Variants in CTBP2 observed in about 807,000 individuals in gnomAD.
The protein encoded by CTBP2 is C-terminal-binding protein 2.
CTBP2 carries 30 observed loss-of-function variants against 80.3 expected under a neutral mutation model. The observed-to-expected ratio is 0.37, with a 90% CI of 0.28 to 0.51. CTBP2 has a LOEUF of 0.51. CTBP2 is among the 20% of genes least tolerant of loss of function. CTBP2 has a pLI of 0.93. For synonymous variants in CTBP2, 594 were observed against 587.4 expected (o/e 1.01, Z -0.16); for missense variants, 1,212 against 1,375.3 (o/e 0.88, Z 1.88).
At chr10:124,993,744 G>GT in intron 6 of CTBP2, 111 bp downstream of exon 8, 1 of 1,323,798 alleles carries the variant, frequency 7.6e-7, no homozygotes. Context: ...CATCTCTGGA[G>GT]TTTCCTGCCC....
chr10:125,056,497 T>C (rs1963967707), intron 2 of CTBP2, among the ~76,000 whole-genome samples: 1 of 152,186 alleles, frequency 6.6e-6, no homozygotes, highest in African/African-American at 2.4e-5. Context: ...GAGTGTGCCA[T>C]TGGCTCTAAG....
At chr10:125,105,460 CAA>C (rs1851307475) in intron 2 of CTBP2, among the ~76,000 whole-genome samples, 1 of 152,180 alleles carries the variant, frequency 6.6e-6, no homozygotes, top group Non-Finnish European at 1.5e-5. Context: ...CAACAATGGT[CAA>C]AATTCAGATC....
intron 1 of CTBP2, among the ~76,000 whole-genome samples, chr10:125,112,200 C>T (rs1026105207): frequency 6.6e-6 from 1 of 150,578 alleles, no homozygotes; most frequent in East Asian, 2.0e-4. Context: ...GCAAGCTCCG[C>T]CTCCTGAGTT....
At position 125,027,364 on chromosome 10, in the gene CTBP2, G is replaced by A. The variant is rs748359424; in HGVS notation, c.396C>T (p.Val132=). The change falls in exon 1 of 9, where the codon GTC becomes GTT. Residue 132 remains valine (V), a synonymous_variant. Transcript: ENST00000309035. The stretch of plus-strand genomic sequence containing the variant: ...CTCCGTAGCTGGGGACCGGCCGGCT[G>A]ACTCCTGGGTCCCGATAGAGGGGAG... 5 of 1,613,442 alleles carry A rather than the reference G, an allele frequency of 3.1e-6. No individual in the cohort carries two copies. The South Asian group carries it at 4.4e-5, about 14-fold the overall frequency.
At chr10:124,997,500 T>C in intron 4 of CTBP2, 1 of 169,306 alleles carries the variant, frequency 5.9e-6, no homozygotes, top group Non-Finnish European at 1.3e-5. Context: ...GCTGATGGCC[T>C]GACTGTGCCA....
At chr10:125,004,346 C>G (rs1954954719) in intron 1 of CTBP2, among the ~76,000 whole-genome samples, 1 of 152,200 alleles carries the variant, frequency 6.6e-6, no homozygotes. Context: ...GCGGGGCCCG[C>G]CCAGGATGCA....
rs1384394555 is a variant in CTBP2 at position 124,987,146 on chromosome 10, A to ATAT, written c.*2369_*2371dup. The ATAT allele has an allele frequency of 1.3e-5, 2 of 152,556 alleles. No homozygotes were observed. The highest frequency in any genetic ancestry group is 2.4e-5 in the African/African-American group (1 of 41,404). 9.5% of individuals were successfully genotyped at this position (152,556 alleles called of 1,614,324 possible). On this transcript the variant is annotated 3_prime_UTR_variant, in exon 9 of 9. Transcript: ENST00000309035. ...CCAAAAATTTTGGTAAATCAATGCT[A>ATAT]TATTATGCTCTTGAACTATTAAAAC... is the stretch of plus-strand genomic sequence containing the variant.
Position 125,066,789 on chromosome 10 carries a change from A to G in CTBP2, c.-101-27634T>C, listed in dbSNP as rs1015418566. On this transcript the variant is annotated intron_variant, in intron 2 of 10. Coordinates refer to the CTBP2 transcript ENST00000337195. The surrounding 1 kb of genome is among the most constrained non-coding windows in gnomAD (Gnocchi z 4.1). ...TCACCAGAATTTTAAAATGTAACAA[A>G]AAAGGAACTAGCCCATGTGTCGATC... 9.9e-5 allele frequency among the ~76,000 whole-genome samples: 15 copies of G among 152,146 alleles called. No homozygotes were observed. Among genetic ancestry groups the G allele is most frequent in the Non-Finnish European group, 2.2e-4 (15 of 68,034 alleles).
intron 2 of CTBP2, among the ~76,000 whole-genome samples, chr10:125,076,989 A>C (rs533748959): frequency 6.6e-6 from 1 of 152,308 alleles, no homozygotes; most frequent in African/African-American, 2.4e-5. Context: ...GATGTCATCC[A>C]AACTTTTACT....
intron 1 of CTBP2, chr10:125,006,065 A>G (rs1955202853): frequency 7.7e-7 from 1 of 1,303,430 alleles, no homozygotes; most frequent in Non-Finnish European, 9.9e-7. Flanking sequence ...CCAGGGTAAC[A>G]AACTCCAGGT....
At position 124,985,821 on chromosome 10, in the gene CTBP2, G is replaced by A. The variant is rs982188241; in HGVS notation, c.*3697C>T. The A allele has an allele frequency of 1.3e-5, 2 of 152,192 alleles. No homozygotes were observed. The highest frequency in any genetic ancestry group is 4.8e-5 in the African/African-American group (2 of 41,454). 9.4% of individuals were successfully genotyped at this position (152,192 alleles called of 1,614,324 possible). A position where few individuals can be genotyped will look rare whatever the true frequency, so the allele number is the denominator to read the frequency against. On this transcript the variant is annotated 3_prime_UTR_variant, in exon 9 of 9. Coordinates refer to ENST00000309035, the MANE Select transcript of CTBP2 (RefSeq NM_022802.3). ...GCCCACTTGTCACTAAATGAATTGT[G>A]TGAAATGTGCTCACTTGGACTCCAT... is the stretch of plus-strand genomic sequence containing the variant.
chr10:125,033,677 C>T (rs372423050), intron 3 of CTBP2, among the ~76,000 whole-genome samples: 2 of 152,118 alleles, frequency 1.3e-5, no homozygotes, highest in African/African-American at 4.8e-5. Flanking sequence ...GCACTGTTCC[C>T]CCCGCGGCAC....
rs1178298742 is a variant in CTBP2 at position 125,081,143 on chromosome 10, A to C, written c.-102+29847T>G. Among the ~76,000 whole-genome samples the C allele has an allele frequency of 2.0e-5, 3 of 152,334 alleles. No individual in the cohort carries two copies. The East Asian group carries it at 5.8e-4, about 29-fold the overall frequency. On this transcript the variant is annotated intron_variant, in intron 2 of 10. Coordinates refer to the CTBP2 transcript ENST00000337195. ...CCGCCCAAAGTGCCCAACTCCAATC[A>C]GGAAAAAACACAGGACAAACTGAAC...
intron 1 of CTBP2, among the ~76,000 whole-genome samples, chr10:125,122,177 G>A (rs1476827592): frequency 6.6e-6 from 1 of 152,178 alleles, no homozygotes; most frequent in African/African-American, 2.4e-5. Context: ...CTAACACTGG[G>A]AATCCTGAAC....
At chr10:125,078,326 G>A (rs1276813123) in intron 2 of CTBP2, among the ~76,000 whole-genome samples, 1 of 151,802 alleles carries the variant, frequency 6.6e-6, no homozygotes, top group Non-Finnish European at 1.5e-5. Context: ...GATGGGCTTG[G>A]GCGTTGAGAT....
At chr10:125,097,434 T>C (rs1849700519) in intron 2 of CTBP2, among the ~76,000 whole-genome samples, 1 of 152,184 alleles carries the variant, frequency 6.6e-6, no homozygotes, top group East Asian at 1.9e-4. Context: ...TTACAATGGA[T>C]GACTATTTGT....
chr10:124,986,925 G>A lies in CTBP2; in HGVS notation c.*2593C>T. Reference sequence around the variant, plus strand: ...ACGCTCAGCACTTAGCTTCTACTGTGTGTTGTGGTCTGGTGAGTGTTGTTT... The same window carrying A: ...ACGCTCAGCACTTAGCTTCTACTGTATGTTGTGGTCTGGTGAGTGTTGTTT... On this transcript the variant is annotated 3_prime_UTR_variant, in exon 9 of 9. Transcript: ENST00000309035. 1 of 152,540 alleles carries A rather than the reference G, an allele frequency of 6.6e-6. No individual in the cohort carries two copies. The highest frequency in any genetic ancestry group is 1.9e-4 in the East Asian group (1 of 5,178). The allele number at this position is 152,540 out of a possible 1,614,324, so 9.4% of individuals were successfully genotyped here.
intron 2 of CTBP2, among the ~76,000 whole-genome samples, chr10:125,060,463 CGTGTGTGTGTGTGTGTGTGT>C (rs56032803): frequency 2.7e-5 from 4 of 147,968 alleles, no homozygotes; most frequent in African/African-American, 7.5e-5. Flanking sequence ...ATTCCCCCCA[CGTGTGTGTGTGTGTGTGTGT>C]GTGTGTGTGT....
intron 2 of CTBP2, among the ~76,000 whole-genome samples, chr10:125,043,955 T>C (rs889548016): frequency 2.0e-5 from 3 of 152,170 alleles, no homozygotes; most frequent in Non-Finnish European, 4.4e-5. Context: ...TGCTCACAAA[T>C]TAATATCATC....
Sources: allele counts gnomAD v4.1 joint callset (sites outside exome capture counted in the v4.1 genomes callset), GRCh38; gene constraint gnomAD v4.1.1; non-coding constraint Gnocchi (gnomAD v3.1); transcripts MANE v1.5; gene names NCBI Gene and HGNC (gene_info 2026-07-23, HGNC 2026-07-21).